The following FNDC7 variants were observed in gnomAD, a reference collection of about 807,000 sequenced individuals.
FNDC7 encodes the protein fibronectin type III domain containing 7.
A neutral mutation model predicts 74.2 loss-of-function variants in FNDC7; 66 were observed. The observed-to-expected ratio is 0.89, with a 90% CI of 0.73 to 1.09. The LOEUF is 1.09. Ranked by LOEUF, FNDC7 falls within the 50% of genes least tolerant of loss-of-function variation. FNDC7 has a pLI of 0.00. For missense variants in FNDC7, 829 were observed against 893.4 expected, an observed-to-expected ratio of 0.93 and a Z score of 0.92; for synonymous variants, 307 against 330.2, an observed-to-expected ratio of 0.93 and a Z score of 0.76.
chr1:108,722,894 G>A (rs1464434279), intron 5 of FNDC7, among the ~76,000 whole-genome samples: 1 of 151,980 alleles, frequency 6.6e-6, no homozygotes, highest in Non-Finnish European at 1.5e-5. Context: ...TGTGATTTGA[G>A]TTGTACACAG....
At chr1:108,720,345 G>A (rs1440495419) in intron 4 of FNDC7, among the ~76,000 whole-genome samples, 3 of 152,336 alleles carry the variant, frequency 2.0e-5, no homozygotes, top group East Asian at 1.9e-4. Flanking sequence ...GTGAGTCAGC[G>A]TTTCCAGTTT....
chr1:108,728,635 C>T lies in FNDC7; in HGVS notation c.1373C>T (p.Pro458Leu), dbSNP rs866918910. The stretch of plus-strand genomic sequence containing the variant: ...TTAATACTCTAAAATGTCTTAGCTC[C>T]TTGCAGTCCTGAAATAAAAAATGTT... ...SCTPQFITTAPCSPEIKNVSR... is the reference protein window; with the variant it reads ...SCTPQFITTALCSPEIKNVSR... The change falls in exon 8 of 13, where the codon CCT (proline) becomes CTT (leucine). Residue 458 changes from proline (P) to leucine (L), a missense_variant. Physicochemically the swap from Pro to Leu is moderately conservative, Grantham distance 98 (BLOSUM62 -3). Transcript: ENST00000370017. 1.2e-6 allele frequency: 2 copies of T among 1,614,158 alleles called. No individual in the cohort carries two copies. Among genetic ancestry groups the T allele is most frequent in the East Asian group, 4.5e-5 (2 of 44,888 alleles).
Position 108,718,005 on chromosome 1 carries a change from C to T in FNDC7, c.311C>T (p.Ala104Val), listed in dbSNP as rs1449924537. Residue 104 changes from alanine to valine, a missense_variant, in exon 3 of 13, where the codon GCG (alanine) becomes GTG (valine). Transcript: ENST00000370017. ...RSISAAGRSQ[A>V]SPPKQAKTVL... ...ATCAGCGCTGCTGGGAGAAGCCAGG[C>T]GTCACCTCCAAAGCAGGCAAAGACA... The T allele has an allele frequency of 1.9e-6, 3 of 1,551,702 alleles. No homozygotes were observed. The highest frequency in any genetic ancestry group is 2.0e-5 in the Admixed American group (1 of 51,002).
Position 108,717,797 on chromosome 1 carries a change from G to A in FNDC7, c.103G>A (p.Asp35Asn), listed in dbSNP as rs551668665. Residue 35 changes from aspartate to asparagine, a missense_variant, in exon 3 of 13, where the codon GAT (aspartate) becomes AAT (asparagine). Asp to Asn is a conservative substitution (Grantham distance 23, BLOSUM62 1). Transcript: ENST00000370017. ...AKSAPEIPTI[D>N]QAYSKLSNSI... ...TTCAGCTCCTGAAATACCCACTATTGATCAGGCATATTCAAAACTCAGCAA... is the reference window on the plus strand; with the variant it reads ...TTCAGCTCCTGAAATACCCACTATTAATCAGGCATATTCAAAACTCAGCAA... 3.2e-6 allele frequency: 5 copies of A among 1,551,530 alleles called. No homozygotes were observed. In the African/African-American group the frequency reaches 6.8e-5, roughly 21 times the overall value.
chr1:108,717,494 C>T (rs1338245950), intron 2 of FNDC7, among the ~76,000 whole-genome samples: 1 of 152,208 alleles, frequency 6.6e-6, no homozygotes, highest in Non-Finnish European at 1.5e-5. Flanking sequence ...ACTTCTCATT[C>T]TTATTTAGCT....
chr1:108,724,933 T>C (rs986925615), intron 5 of FNDC7, among the ~76,000 whole-genome samples: 7 of 151,528 alleles, frequency 4.6e-5, no homozygotes, highest in Non-Finnish European at 8.8e-5. Context: ...GTACAAAAAT[T>C]AGTTGGGCAT....
chr1:108,716,029 G>A (rs1315126415), intron 2 of FNDC7, among the ~76,000 whole-genome samples: 2 of 152,068 alleles, frequency 1.3e-5, no homozygotes, highest in African/African-American at 4.8e-5. Context: ...GGCCAGTTTT[G>A]TGGAGCCCGC....
chr1:108,728,371 A>G (rs562548592), intron 7 of FNDC7, among the ~76,000 whole-genome samples: 1 of 152,176 alleles, frequency 6.6e-6, no homozygotes, highest in South Asian at 2.1e-4. Context: ...GAAGGTGTAT[A>G]AATATGTTTC....
intron 5 of FNDC7, 28 bp downstream of exon 5, chr1:108,722,620 C>A (rs368119466): frequency 6.3e-7 from 1 of 1,591,362 alleles, no homozygotes; most frequent in South Asian, 1.1e-5. Context: ...AGACTGCTGT[C>A]GGGCTTGCAG....
intron 5 of FNDC7, among the ~76,000 whole-genome samples, chr1:108,724,787 A>C (rs1017527075): frequency 6.6e-6 from 1 of 151,804 alleles, no homozygotes; most frequent in East Asian, 1.9e-4. Flanking sequence ...AATTAATTAA[A>C]AAATAAATTT....
Position 108,730,361 on chromosome 1 carries a change from CA to C in FNDC7, c.1625-297del, listed in dbSNP as rs748626022. On this transcript the variant is annotated intron_variant, in intron 8 of 12. Coordinates refer to ENST00000370017, the MANE Select transcript of FNDC7 (RefSeq NM_001144937.3). ...ACAGAGCGAGACTCCATCTCCTTCT[CA>C]AAAAAAAAAAAAAAATGTTGAAGAT... Among the ~76,000 whole-genome samples, 1,043 of 117,300 alleles carry C rather than the reference CA, an allele frequency of 8.9e-3. 11 individuals carry two copies. The highest frequency in any genetic ancestry group is 0.026 in the East Asian group (97 of 3,754). 77.0% of individuals were successfully genotyped at this position (117,300 alleles called of 152,430 possible).
Position 108,718,893 on chromosome 1 carries a change from C to A in FNDC7, c.442C>A (p.Arg148=), listed in dbSNP as rs755463933. 1.3e-6 allele frequency: 2 copies of A among 1,551,620 alleles called. No individual in the cohort carries two copies. Among genetic ancestry groups the A allele is most frequent in the South Asian group, 2.4e-5 (2 of 84,052 alleles). Residue 148 remains arginine (R), a synonymous_variant, in exon 4 of 13, where the codon CGA becomes AGA. Coordinates refer to ENST00000370017, the MANE Select transcript of FNDC7 (RefSeq NM_001144937.3). The stretch of plus-strand genomic sequence containing the variant: ...AATTGCATTCTCCGTGTCCATTATG[C>A]GAGCCAATGGCTTGGGGAGTATATG... ...MAIAFSVSIM[R]ANGLGSIWKE... is the part of the protein sequence containing the mutation.
intron 8 of FNDC7, among the ~76,000 whole-genome samples, chr1:108,730,320 G>A (rs995590676): frequency 4.8e-5 from 7 of 146,670 alleles, no homozygotes; most frequent in Non-Finnish European, 8.9e-5. Context: ...GAGGTTGACT[G>A]CACTCCAGCC....
chr1:108,712,968 T>C lies in FNDC7; in HGVS notation c.35T>C (p.Ile12Thr). The stretch of plus-strand genomic sequence containing the variant: ...GGACGAGAGACATGTTTGCCTTTGA[T>C]TGGATTCATTCTTATCTGTCTTAAA... ...AGGRETCLPLIGFILICLKMV... is the reference protein window; with the variant it reads ...AGGRETCLPLTGFILICLKMV... The change falls in exon 1 of 13, where the codon ATT (isoleucine) becomes ACT (threonine). Residue 12 changes from isoleucine (I) to threonine (T), a missense_variant. Transcript: ENST00000370017. 6.4e-7 allele frequency: 1 copy of C among 1,551,680 alleles called. No homozygotes were observed. Among genetic ancestry groups the C allele is most frequent in the South Asian group, 1.2e-5 (1 of 84,060 alleles).
At chr1:108,737,613 A>G in intron 11 of FNDC7, 89 bp downstream of exon 11, 1 of 1,028,562 alleles carries the variant, frequency 9.7e-7, no homozygotes, top group Non-Finnish European at 1.4e-6. Flanking sequence ...TTCAATTAGA[A>G]AGCAAATGCT....
In FNDC7 at chr1:108,721,935, C is replaced by T. The variant is rs188121067; in HGVS notation, c.599-400C>T. On this transcript the variant is annotated intron_variant, in intron 4 of 12. Coordinates refer to ENST00000370017, the MANE Select transcript of FNDC7 (RefSeq NM_001144937.3). ...TATTTGACCTATCACTTAATAATAACGTACCCACGTGGCCCTTTTAGTTCT... is the reference window on the plus strand; with the variant it reads ...TATTTGACCTATCACTTAATAATAATGTACCCACGTGGCCCTTTTAGTTCT... Among the ~76,000 whole-genome samples, 3 of 152,232 alleles carry T rather than the reference C, an allele frequency of 2.0e-5. No individual in the cohort carries two copies. The East Asian group carries it at 5.8e-4, about 29-fold the overall frequency.
intron 2 of FNDC7, among the ~76,000 whole-genome samples, chr1:108,714,897 T>G (rs1222059374): frequency 6.6e-6 from 1 of 152,062 alleles, no homozygotes; most frequent in African/African-American, 2.4e-5. Flanking sequence ...CCGGCCGGCT[T>G]CTTAAATAAG....
chr1:108,731,503 G>T (rs115438468), intron 9 of FNDC7, among the ~76,000 whole-genome samples: 1 of 152,216 alleles, frequency 6.6e-6, no homozygotes, highest in Admixed American at 6.5e-5. Context: ...GTGGCTGCTT[G>T]TAACACGGTT....
intron 2 of FNDC7, among the ~76,000 whole-genome samples, chr1:108,716,060 G>A (rs942597744): frequency 1.3e-5 from 2 of 152,148 alleles, no homozygotes; most frequent in African/African-American, 4.8e-5. Context: ...ACAGGCCTGT[G>A]GGGAGAGGGT....
Sources: allele counts gnomAD v4.1 joint callset (sites outside exome capture counted in the v4.1 genomes callset), GRCh38; gene constraint gnomAD v4.1.1; transcripts MANE v1.5; gene names NCBI Gene and HGNC (gene_info 2026-07-23, HGNC 2026-07-21).